CASZ1: variants seen among roughly 807,000 people sequenced by gnomAD.
CASZ1 encodes the protein zinc finger protein castor homolog 1.
In CASZ1, 28 loss-of-function variants were observed where a neutral mutation model predicts 135.2. The ratio of observed to expected loss-of-function variants is 0.21; its 90% CI spans 0.15 to 0.28. CASZ1 has a LOEUF of 0.28. CASZ1 is among the 10% of genes least tolerant of loss of function. CASZ1 has a pLI of 1.00. For missense variants in CASZ1, 2,161 were observed against 2,453.3 expected (o/e 0.88, Z 2.52); for synonymous variants, 1,068 against 1,073.4 (o/e 0.99, Z 0.10).
rs917561140 is a variant in CASZ1, at chr1:10,777,081, A to T, written c.-233-16224T>A. ...GGTCCTAGTTCCAGATCTGTCACTG[A>T]CTAGCTGTAGGGCCTGCGGCACGAA... On this transcript the variant is annotated intron_variant, in intron 1 of 20. Coordinates refer to ENST00000377022, the MANE Select transcript of CASZ1 (RefSeq NM_001079843.3). This position sits in a 1 kb window ranked among gnomAD's most constrained non-coding sequence, Gnocchi z 4.4. Among the ~76,000 whole-genome samples, 4 of 152,122 alleles carry T rather than the reference A, an allele frequency of 2.6e-5. No individual in the cohort carries two copies. The highest frequency in any genetic ancestry group is 4.4e-5 in the Non-Finnish European group (3 of 68,016).
At chr1:10,684,806 A>T (rs1261996336) in intron 4 of CASZ1, among the ~76,000 whole-genome samples, 1 of 152,238 alleles carries the variant, frequency 6.6e-6, no homozygotes, top group Admixed American at 6.5e-5. Context: ...AACTGATGAC[A>T]CAGGGCCTCT....
chr1:10,768,779 G>A (rs933213718), intron 1 of CASZ1, among the ~76,000 whole-genome samples: 3 of 152,206 alleles, frequency 2.0e-5, no homozygotes, highest in Non-Finnish European at 1.5e-5. Context: ...CACAGGGCAG[G>A]TGCCAGGAGG....
chr1:10,668,327 C>T (rs1643300260), intron 4 of CASZ1, among the ~76,000 whole-genome samples: 3 of 152,206 alleles, frequency 2.0e-5, no homozygotes, highest in South Asian at 2.1e-4. Context: ...ATATAAACGC[C>T]GTGGCCAGGC....
intron 2 of CASZ1, among the ~76,000 whole-genome samples, chr1:10,718,196 G>C (rs1337975225): frequency 6.6e-6 from 1 of 152,112 alleles, no homozygotes; most frequent in African/African-American, 2.4e-5. Flanking sequence ...TCCCCCGACT[G>C]GTTCGCAGTC....
intron 1 of CASZ1, among the ~76,000 whole-genome samples, chr1:10,775,830 G>A (rs1222717995): frequency 1.3e-5 from 2 of 152,132 alleles, no homozygotes; most frequent in African/African-American, 4.8e-5. Context: ...TGCCAGCTCT[G>A]TGTGTGACAT....
At chr1:10,658,843 C>T (rs1358518226) in intron 6 of CASZ1, among the ~76,000 whole-genome samples, 3 of 152,204 alleles carry the variant, frequency 2.0e-5, no homozygotes, top group Admixed American at 6.5e-5. Flanking sequence ...GAAGCCCGGG[C>T]TCGGCACCCA....
chr1:10,655,893 C>T (rs1342505123), intron 8 of CASZ1, 80 bp from the exon 9 acceptor site: 1 of 1,456,100 alleles, frequency 6.9e-7, no homozygotes, highest in Admixed American at 1.7e-5. Flanking sequence ...AGCACCTGGG[C>T]CAGGTGCTGG....
intron 2 of CASZ1, among the ~76,000 whole-genome samples, chr1:10,708,378 A>G (rs1453530547): frequency 6.6e-6 from 1 of 152,074 alleles, no homozygotes; most frequent in Non-Finnish European, 1.5e-5. Context: ...GGCCCTACCC[A>G]CCTTTTACCC....
chr1:10,775,088 C>T (rs1640639296), intron 1 of CASZ1, among the ~76,000 whole-genome samples: 1 of 152,054 alleles, frequency 6.6e-6, no homozygotes, highest in South Asian at 2.1e-4. Flanking sequence ...AGGCAGTCGG[C>T]CAGAAAACCC....
intron 4 of CASZ1, among the ~76,000 whole-genome samples, chr1:10,681,775 C>A (rs934677911): frequency 9.9e-5 from 15 of 152,188 alleles, no homozygotes; most frequent in Non-Finnish European, 1.9e-4. Context: ...TCTGGACTGA[C>A]CCCCTCGGGG....
intron 1 of CASZ1, among the ~76,000 whole-genome samples, chr1:10,783,165 C>T (rs1244943889): frequency 1.3e-5 from 2 of 152,212 alleles, no homozygotes; most frequent in Admixed American, 1.3e-4. Flanking sequence ...CCAGCCAGCC[C>T]TGCCAGGGCC....
chr1:10,641,070 G>A (rs1327198178), intron 20 of CASZ1, among the ~76,000 whole-genome samples: 1 of 152,236 alleles, frequency 6.6e-6, no homozygotes, highest in Non-Finnish European at 1.5e-5. Context: ...CTCCCCCAGA[G>A]CCTGCTTAGA....
intron 4 of CASZ1, among the ~76,000 whole-genome samples, chr1:10,672,269 G>A (rs1023227302): frequency 1.9e-5 from 2 of 105,814 alleles, no homozygotes; most frequent in Non-Finnish European, 3.6e-5. Context: ...TAACTCAGCC[G>A]CCCGGCCGCC....
chr1:10,660,337 C>T lies in CASZ1; in HGVS notation c.705G>A (p.Arg235=), dbSNP rs1417645745. ...TSEDTLSKRA[R]FSKYEEYIRK... ...GGATGTACTCCTCATACTTAGAGAA[C>T]CGCGCCCGCTTGCTGAGGGTATCCT... Residue 235 remains arginine, a synonymous_variant, in exon 6 of 21, where the codon CGG becomes CGA. Coordinates refer to ENST00000377022, the MANE Select transcript of CASZ1 (RefSeq NM_001079843.3). The T allele has an allele frequency of 6.2e-7, 1 of 1,614,046 alleles. No homozygotes were observed. The highest frequency in any genetic ancestry group is 8.5e-7 in the Non-Finnish European group (1 of 1,180,034).
intron 9 of CASZ1, among the ~76,000 whole-genome samples, 159 bp downstream of exon 9, chr1:10,655,490 C>T (rs1259331110): frequency 6.6e-6 from 1 of 152,250 alleles, no homozygotes; most frequent in African/African-American, 2.4e-5. Flanking sequence ...CCTCCTGGCT[C>T]GCTGGCCATC....
In CASZ1 at chr1:10,794,110, G is replaced by A. The variant is rs1012065135; in HGVS notation, c.-234+2454C>T. Among the ~76,000 whole-genome samples, 3 of 152,080 alleles carry A rather than the reference G, an allele frequency of 2.0e-5. No homozygotes were observed. Among genetic ancestry groups the A allele is most frequent in the African/African-American group, 4.8e-5 (2 of 41,424 alleles). ...CGGCGCAGCTGCTCCTGCTCAGCCGGGACAGCTCCCTTTAGGACGGCGACG... is the reference window on the plus strand; with the variant it reads ...CGGCGCAGCTGCTCCTGCTCAGCCGAGACAGCTCCCTTTAGGACGGCGACG... On this transcript the variant is annotated intron_variant, in intron 1 of 20. Coordinates refer to ENST00000377022, the MANE Select transcript of CASZ1 (RefSeq NM_001079843.3). This position sits in a 1 kb window ranked among gnomAD's most constrained non-coding sequence, Gnocchi z 5.6.
rs1475691551 is a variant in CASZ1, at chr1:10,694,508, T to C, written c.-23-596A>G. Reference sequence around the variant, plus strand: ...GGGGCGCTGCCAGGCGCCGCGGTGATTGGCAGGGCGGCCGCGGCGCCGCCT... The same window carrying C: ...GGGGCGCTGCCAGGCGCCGCGGTGACTGGCAGGGCGGCCGCGGCGCCGCCT... On this transcript the variant is annotated intron_variant, in intron 3 of 20. Coordinates refer to ENST00000377022, the MANE Select transcript of CASZ1 (RefSeq NM_001079843.3). This position sits in a 1 kb window ranked among gnomAD's most constrained non-coding sequence, Gnocchi z 6.6. The C allele has an allele frequency of 6.8e-6, 1 of 147,528 alleles. No homozygotes were observed. The highest frequency in any genetic ancestry group is 1.4e-5 in the Non-Finnish European group (1 of 69,194). The allele number at this position is 147,528 out of a possible 1,614,324, so 9.1% of individuals were successfully genotyped here.
intron 4 of CASZ1, among the ~76,000 whole-genome samples, chr1:10,691,913 C>G (rs1464169464): frequency 6.6e-6 from 1 of 152,244 alleles, no homozygotes; most frequent in Admixed American, 6.5e-5. Context: ...CCCTGGGCCT[C>G]CCCTCTGAGT....
intron 1 of CASZ1, among the ~76,000 whole-genome samples, chr1:10,795,081 C>A (rs1437605213): frequency 6.6e-6 from 1 of 152,180 alleles, no homozygotes; most frequent in Non-Finnish European, 1.5e-5. Context: ...ATCAGCTGCA[C>A]ATTCTGCAAA....
Sources: gnomAD v4.1 joint callset for allele counts (sites outside exome capture counted in the v4.1 genomes callset) on GRCh38, gnomAD v4.1.1 for gene constraint, Gnocchi (gnomAD v3.1) non-coding constraint, MANE v1.5 for transcripts, NCBI Gene and HGNC (gene_info 2026-07-23, HGNC 2026-07-21) for gene names.